TAB2: variants seen among roughly 807,000 people sequenced by gnomAD.
TAB2 encodes TGF-beta activated kinase 1 (MAP3K7) binding protein 2.
A neutral mutation model predicts 65.0 loss-of-function variants in TAB2; 3 were observed. That is an observed-to-expected ratio of 0.05 (90% CI 0.02 to 0.12). TAB2 has a LOEUF of 0.12. TAB2 is among the 10% of genes least tolerant of loss of function. The pLI, the probability that TAB2 is intolerant of heterozygous loss-of-function variation, is 1.00. For missense variants in TAB2, 623 were observed against 840.3 expected (o/e 0.74, Z 3.20); for synonymous variants, 298 against 285.1 (o/e 1.05, Z -0.46).
At chr6:149,255,592 A>T (rs1250441496) in intron 1 of TAB2, among the ~76,000 whole-genome samples, 1 of 152,196 alleles carries the variant, frequency 6.6e-6, no homozygotes, top group Non-Finnish European at 1.5e-5. Flanking sequence ...ACTTCTGTAA[A>T]TAGGAAAAAT....
At chr6:149,360,815 A>G (rs1421678789) in intron 1 of TAB2, among the ~76,000 whole-genome samples, 2 of 152,192 alleles carry the variant, frequency 1.3e-5, no homozygotes, top group African/African-American at 4.8e-5. Context: ...TCAAGATACA[A>G]TGGGGGTACA....
chr6:149,372,261 A>G (rs1260938323), intron 2 of TAB2: 4 of 152,214 alleles, frequency 2.6e-5, no homozygotes, highest in Non-Finnish European at 5.9e-5. Context: ...GATGCAGAGC[A>G]GAGTATATAG....
intron 1 of TAB2, among the ~76,000 whole-genome samples, chr6:149,237,720 C>G (rs1355794917): frequency 6.6e-6 from 1 of 152,178 alleles, no homozygotes; most frequent in East Asian, 1.9e-4. Flanking sequence ...CCACACCTAA[C>G]GGCATCACTT....
intron 1 of TAB2, among the ~76,000 whole-genome samples, chr6:149,298,344 T>C (rs1778913861): frequency 6.6e-6 from 1 of 152,234 alleles, no homozygotes; most frequent in Admixed American, 6.5e-5. Context: ...GACTCCACTA[T>C]TGGCCCAGCC....
intron 1 of TAB2, among the ~76,000 whole-genome samples, chr6:149,295,488 C>T (rs1778859100): frequency 6.6e-6 from 1 of 152,190 alleles, no homozygotes; most frequent in African/African-American, 2.4e-5. Flanking sequence ...TCTGTCCCCT[C>T]CTTCTGGAAC....
At chr6:149,386,431 GCTATCACCTCC>G (rs1159929193) in intron 3 of TAB2, among the ~76,000 whole-genome samples, 3 of 148,762 alleles carry the variant, frequency 2.0e-5, no homozygotes, top group Non-Finnish European at 4.5e-5. Context: ...TATCCTGTAA[GCTATCACCTCC>G]CTATCCCATT....
intron 1 of TAB2, among the ~76,000 whole-genome samples, chr6:149,299,309 C>A (rs186264983): frequency 6.6e-6 from 1 of 152,196 alleles, no homozygotes; most frequent in Non-Finnish European, 1.5e-5. Context: ...CAATGGCTCA[C>A]GCCCGTAATC....
chr6:149,263,025 G>A (rs1034864849), intron 1 of TAB2, among the ~76,000 whole-genome samples: 5 of 151,868 alleles, frequency 3.3e-5, no homozygotes, highest in Non-Finnish European at 7.4e-5. Flanking sequence ...GGCCAGTCTC[G>A]AACTCCTGGC....
At chr6:149,345,603 C>G (rs1172349447) in intron 1 of TAB2, among the ~76,000 whole-genome samples, 1 of 152,018 alleles carries the variant, frequency 6.6e-6, no homozygotes, top group Non-Finnish European at 1.5e-5. Flanking sequence ...CTTGGAATAC[C>G]TTCCATCCAT....
In TAB2 at chr6:149,282,848, C is replaced by T. The variant is rs115695152; in HGVS notation, c.-121+64072C>T. On this transcript the variant is annotated intron_variant, in intron 1 of 1. Transcript: ENST00000606202. Reference sequence around the variant, plus strand: ...GTCATTACTCTTGGGGGAAGCAGCTCTTATTATCTTCAGACAAAAACCAAA... The same window carrying T: ...GTCATTACTCTTGGGGGAAGCAGCTTTTATTATCTTCAGACAAAAACCAAA... Among the ~76,000 whole-genome samples the T allele has an allele frequency of 3.0e-3, 459 of 152,292 alleles. 1 individual carries two copies. Among genetic ancestry groups the T allele is most frequent in the African/African-American group, 0.011 (455 of 41,562 alleles).
intron 1 of TAB2, among the ~76,000 whole-genome samples, chr6:149,276,696 C>G (rs1178589777): frequency 6.6e-6 from 1 of 152,128 alleles, no homozygotes; most frequent in Non-Finnish European, 1.5e-5. Context: ...AAAATAGGCA[C>G]CTTCATACAT....
At chr6:149,362,156 T>C (rs992472621) in intron 1 of TAB2, among the ~76,000 whole-genome samples, 5 of 152,252 alleles carry the variant, frequency 3.3e-5, no homozygotes, top group Admixed American at 2.6e-4. Flanking sequence ...AGTATCTTTA[T>C]AGTAGTGCCC....
intron 1 of TAB2, among the ~76,000 whole-genome samples, chr6:149,234,181 T>A (rs1043193808): frequency 2.0e-5 from 3 of 152,212 alleles, no homozygotes; most frequent in Non-Finnish European, 4.4e-5. Context: ...ATAACATTTT[T>A]AAGATAAAAG....
At chr6:149,406,324 T>C (rs1230589455) in intron 6 of TAB2, among the ~76,000 whole-genome samples, 1 of 152,232 alleles carries the variant, frequency 6.6e-6, no homozygotes, top group Admixed American at 6.5e-5. Context: ...ATGTACATTT[T>C]TCCTGTGAAG....
chr6:149,270,340 C>T (rs1284436411), intron 1 of TAB2, among the ~76,000 whole-genome samples: 1 of 152,128 alleles, frequency 6.6e-6, no homozygotes, highest in Non-Finnish European at 1.5e-5. Flanking sequence ...AGTTCTTTAT[C>T]AGATATATGT....
chr6:149,321,638 C>T (rs1345959398), intron 1 of TAB2, among the ~76,000 whole-genome samples: 1 of 152,126 alleles, frequency 6.6e-6, no homozygotes. Context: ...ATGCGTTTCA[C>T]TTGGATTTTC....
At chr6:149,237,851 C>T (rs774198281) in intron 1 of TAB2, among the ~76,000 whole-genome samples, 4 of 152,226 alleles carry the variant, frequency 2.6e-5, no homozygotes, top group African/African-American at 7.2e-5. Flanking sequence ...CCAAGCACCA[C>T]GCCACCCCAC....
At chr6:149,233,468 TG>T (rs1777442248) in intron 1 of TAB2, among the ~76,000 whole-genome samples, 1 of 152,190 alleles carries the variant, frequency 6.6e-6, no homozygotes. Flanking sequence ...CACACGTAAG[TG>T]TCATGGTTGA....
chr6:149,363,498 T>A (rs1201916645), intron 1 of TAB2, among the ~76,000 whole-genome samples: 9 of 152,188 alleles, frequency 5.9e-5, no homozygotes, highest in African/African-American at 2.2e-4. Flanking sequence ...TTCTTAAACA[T>A]TTTTTAAAGT....
Sources: allele counts gnomAD v4.1 joint callset (sites outside exome capture counted in the v4.1 genomes callset), GRCh38; gene constraint gnomAD v4.1.1; transcripts MANE v1.5; gene names NCBI Gene and HGNC (gene_info 2026-07-23, HGNC 2026-07-21).